GNG4: variants seen among roughly 807,000 people sequenced by gnomAD.
GNG4 encodes the protein G protein subunit gamma 4, also known as guanine nucleotide-binding protein G(I)/G(S)/G(O) subunit gamma-4.
A neutral mutation model predicts 5.8 loss-of-function variants in GNG4; 4 were observed. The observed-to-expected ratio is 0.69, with a 90% CI of 0.34 to 1.57. The LOEUF (loss-of-function observed/expected upper bound fraction) is 1.57. Ranked by LOEUF, GNG4 falls within the 40% of genes most tolerant of loss-of-function variation. GNG4 has a pLI of 0.06. For missense variants in GNG4, 96 were observed against 95.1 expected (o/e 1.01, Z -0.04); for synonymous variants, 29 against 32.9 (o/e 0.88, Z 0.41).
At position 235,584,626 on chromosome 1, in the gene GNG4, T is replaced by C. The variant is rs569921237; in HGVS notation, c.-10-778A>G. 6.0e-5 allele frequency among the ~76,000 whole-genome samples: 9 copies of C among 151,256 alleles called. No individual in the cohort carries two copies. In the East Asian group the frequency reaches 1.8e-3, roughly 30 times the overall value. The stretch of plus-strand genomic sequence containing the variant: ...TTCTCCCTAACCCTACACACATTGA[T>C]GCCCCGTGACTAAGACCAGTGTAGT... On this transcript the variant is annotated intron_variant, in intron 2 of 3. Transcript: ENST00000391854.
At chr1:235,622,189 A>G (rs1038266670) in intron 1 of GNG4, among the ~76,000 whole-genome samples, 31 of 152,162 alleles carry the variant, frequency 2.0e-4, no homozygotes. Flanking sequence ...AATATTTTCT[A>G]ATTTCTCTTT....
chr1:235,570,008 C>A (rs148657117), intron 3 of GNG4, among the ~76,000 whole-genome samples: 22 of 152,230 alleles, frequency 1.4e-4, no homozygotes, highest in African/African-American at 5.3e-4. Flanking sequence ...CTGTGTCGAT[C>A]ATTTCTCTCA....
At chr1:235,616,395 G>A in intron 1 of GNG4, 1 of 302,196 alleles carries the variant, frequency 3.3e-6, no homozygotes. Flanking sequence ...ATCCAGATTG[G>A]GTAGGGCCCT....
In GNG4 at chr1:235,647,601, C is replaced by T. The variant is rs558455816; in HGVS notation, c.-123+2061G>A. On this transcript the variant is annotated intron_variant, in intron 1 of 3. Coordinates refer to ENST00000391854, the MANE Select transcript of GNG4 (RefSeq NM_001098722.2). The stretch of plus-strand genomic sequence containing the variant: ...GTACACATTTTACAGTGTTCCTGCC[C>T]TCCTGAGACAGCTGTGGCTCTTGCT... Among the ~76,000 whole-genome samples, 107 of 152,200 alleles carry T rather than the reference C, an allele frequency of 7.0e-4. 1 individual carries two copies. The highest frequency in any genetic ancestry group is 2.5e-3 in the African/African-American group (103 of 41,522).
chr1:235,577,283 G>A (rs1687507854), intron 3 of GNG4, among the ~76,000 whole-genome samples: 1 of 152,128 alleles, frequency 6.6e-6, no homozygotes, highest in African/African-American at 2.4e-5. Context: ...CCAGCTCTGT[G>A]GGCCTGGGAG....
intron 3 of GNG4, chr1:235,566,531 T>A (rs2102923012): frequency 6.3e-6 from 1 of 157,902 alleles, no homozygotes; most frequent in Middle Eastern, 3.1e-3. Flanking sequence ...TATGTAATAA[T>A]AATAGCAATA....
At chr1:235,558,709 C>T (rs1327431399) in intron 3 of GNG4, among the ~76,000 whole-genome samples, 1 of 152,196 alleles carries the variant, frequency 6.6e-6, no homozygotes, top group Non-Finnish European at 1.5e-5. Flanking sequence ...AAATCTTATT[C>T]TGGTAGAAAA....
Position 235,647,353 on chromosome 1 carries a change from C to T in GNG4, c.-123+2309G>A, listed in dbSNP as rs572374074. 7.9e-5 allele frequency among the ~76,000 whole-genome samples: 12 copies of T among 151,644 alleles called. No individual in the cohort carries two copies. The East Asian group carries it at 1.5e-3, about 20-fold the overall frequency. The stretch of plus-strand genomic sequence containing the variant: ...TTAAAGTTACTACTTCAAAATTCCA[C>T]GAAGAAAGGGGCAATCTTCTGACAT... On this transcript the variant is annotated intron_variant, in intron 1 of 3. Transcript: ENST00000391854.
At position 235,618,060 on chromosome 1, in the gene GNG4, T is replaced by C. The variant is rs894151472; in HGVS notation, c.-122-22549A>G. ...CACAGTGGCAAGCTGACTGGTAGAATTGGAATGCAGTTTATGCTCTGCTTA... is the reference window on the plus strand; with the variant it reads ...CACAGTGGCAAGCTGACTGGTAGAACTGGAATGCAGTTTATGCTCTGCTTA... On this transcript the variant is annotated intron_variant, in intron 1 of 3. Transcript: ENST00000391854. 2.6e-5 allele frequency among the ~76,000 whole-genome samples: 4 copies of C among 152,148 alleles called. No homozygotes were observed. The East Asian group carries it at 5.8e-4, about 22-fold the overall frequency.
chr1:235,631,850 G>A (rs1263662662), intron 1 of GNG4, among the ~76,000 whole-genome samples: 1 of 152,174 alleles, frequency 6.6e-6, no homozygotes, highest in Non-Finnish European at 1.5e-5. Flanking sequence ...TTACAGGCAT[G>A]AGCCACCGCG....
intron 3 of GNG4, among the ~76,000 whole-genome samples, chr1:235,561,122 G>A (rs1203047594): frequency 6.6e-6 from 1 of 152,126 alleles, no homozygotes; most frequent in Non-Finnish European, 1.5e-5. Context: ...ACATTCTCCT[G>A]CCTCAGCCTC....
chr1:235,591,536 CCTGCCT>C (rs759975159), intron 2 of GNG4, among the ~76,000 whole-genome samples: 12 of 152,314 alleles, frequency 7.9e-5, no homozygotes, highest in Non-Finnish European at 1.6e-4. Context: ...GAATAACGCC[CCTGCCT>C]TTCTGAGACT....
intron 1 of GNG4, among the ~76,000 whole-genome samples, chr1:235,630,113 A>G (rs1688902570): frequency 1.3e-5 from 2 of 152,208 alleles, no homozygotes; most frequent in Non-Finnish European, 2.9e-5. Context: ...AGATACTACA[A>G]TAGGATTAGA....
At chr1:235,582,376 C>T (rs1445294242) in intron 3 of GNG4, among the ~76,000 whole-genome samples, 1 of 152,232 alleles carries the variant, frequency 6.6e-6, no homozygotes, top group Admixed American at 6.5e-5. Flanking sequence ...CCGTGATTAG[C>T]TCACACCGGC....
intron 3 of GNG4, among the ~76,000 whole-genome samples, chr1:235,574,813 C>T (rs1327883453): frequency 6.6e-6 from 1 of 151,926 alleles, no homozygotes; most frequent in African/African-American, 2.4e-5. Flanking sequence ...GTATCTGTCA[C>T]GACACAATCC....
At chr1:235,582,967 T>C (rs1486220511) in intron 3 of GNG4, among the ~76,000 whole-genome samples, 1 of 152,112 alleles carries the variant, frequency 6.6e-6, no homozygotes, top group Non-Finnish European at 1.5e-5. Context: ...ATAGAAGGCT[T>C]CAGGAGTCGC....
chr1:235,619,929 T>C (rs904512554), intron 1 of GNG4, among the ~76,000 whole-genome samples: 1 of 152,210 alleles, frequency 6.6e-6, no homozygotes, highest in Non-Finnish European at 1.5e-5. Context: ...GGTTTCTTGT[T>C]TAGGAGAGGA....
At chr1:235,589,220 C>A (rs867968632) in intron 2 of GNG4, among the ~76,000 whole-genome samples, 23 of 152,338 alleles carry the variant, frequency 1.5e-4, no homozygotes, top group Middle Eastern at 3.4e-3. Flanking sequence ...CCTGCTGACA[C>A]TGTACAGGCA....
At chr1:235,583,993 TAA>T in intron 2 of GNG4, 145 bp from the exon 3 acceptor site, 1 of 494,362 alleles carries the variant, frequency 2.0e-6, no homozygotes, top group Non-Finnish European at 3.7e-6. Flanking sequence ...CCTCCTGGGA[TAA>T]GAGAAAGGAA....
Sources: gnomAD v4.1 joint callset for allele counts (sites outside exome capture counted in the v4.1 genomes callset) on GRCh38, gnomAD v4.1.1 for gene constraint, MANE v1.5 for transcripts, NCBI Gene and HGNC (gene_info 2026-07-23, HGNC 2026-07-21) for gene names.